Variants in PCDH7 observed in about 807,000 individuals in gnomAD.
PCDH7 encodes protocadherin 7.
A neutral mutation model predicts 58.9 loss-of-function variants in PCDH7; 17 were observed. The observed-to-expected ratio is 0.29, with a 90% confidence interval of 0.20 to 0.43. The LOEUF (loss-of-function observed/expected upper bound fraction) is 0.43. Ranked by LOEUF, PCDH7 falls within the 20% of genes least tolerant of loss-of-function variation. The probability of loss-of-function intolerance (pLI) is 1.00; values close to 1 mark genes in which losing one functional copy is unlikely to be tolerated. For missense variants in PCDH7, 1,274 were observed against 1,441.0 expected (o/e 0.88, Z 1.88); for synonymous variants, 664 against 616.4 (o/e 1.08, Z -1.14).
chr4:30,832,271 G>A (rs1232799408), intron 1 of PCDH7, among the ~76,000 whole-genome samples: 1 of 152,156 alleles, frequency 6.6e-6, no homozygotes, highest in Non-Finnish European at 1.5e-5. Context: ...CCATTCACAT[G>A]CAGCAGGAAT....
intron 1 of PCDH7, among the ~76,000 whole-genome samples, chr4:30,739,570 C>G (rs1297221521): frequency 6.6e-6 from 1 of 152,000 alleles, no homozygotes; most frequent in East Asian, 1.9e-4. Flanking sequence ...CTGGATTTTT[C>G]CCAAACTAAT....
intron 3 of PCDH7, among the ~76,000 whole-genome samples, chr4:31,087,216 G>A (rs898282584): frequency 2.6e-5 from 4 of 152,126 alleles, no homozygotes; most frequent in Admixed American, 6.6e-5. Flanking sequence ...TCAACTGCTA[G>A]CTATGGGTAG....
At chr4:30,968,683 G>T (rs1749269885) in intron 3 of PCDH7, among the ~76,000 whole-genome samples, 1 of 151,880 alleles carries the variant, frequency 6.6e-6, no homozygotes, top group African/African-American at 2.4e-5. Flanking sequence ...CTTTAATAAA[G>T]AACTGCCTAA....
chr4:30,750,086 G>A lies in PCDH7; in HGVS notation c.70+25490G>A, dbSNP rs545716387. Among the ~76,000 whole-genome samples the A allele has an allele frequency of 3.3e-5, 5 of 152,258 alleles. No homozygotes were observed. The South Asian group carries it at 8.3e-4, about 25-fold the overall frequency. On this transcript the variant is annotated intron_variant, in intron 1 of 3. Coordinates refer to the PCDH7 transcript ENST00000509759. ...CCTATAAGGCACTGGGCAGCTCCTT[G>A]CAACATATACTTATTCTGCATAGAA...
chr4:30,970,932 A>G (rs1241812051), intron 3 of PCDH7, among the ~76,000 whole-genome samples: 1 of 152,236 alleles, frequency 6.6e-6, no homozygotes, highest in African/African-American at 2.4e-5. Context: ...TCATACACAA[A>G]TGACACTTTC....
intron 3 of PCDH7, among the ~76,000 whole-genome samples, chr4:31,058,284 G>A (rs1757417435): frequency 6.6e-6 from 1 of 152,058 alleles, no homozygotes; most frequent in South Asian, 2.1e-4. Flanking sequence ...AGTTTTTACT[G>A]TATTCTTTGT....
chr4:30,995,575 A>T lies in PCDH7; in HGVS notation c.*7+45360A>T, dbSNP rs1488925872. Among the ~76,000 whole-genome samples the T allele has an allele frequency of 1.3e-5, 2 of 152,046 alleles. 1 individual carries two copies. The highest frequency in any genetic ancestry group is 1.3e-4 in the Admixed American group (2 of 15,260). ...TTTATTTCCTATTTCCACTGTACAC[A>T]TTACCACAAACTTAGTGGCTTAAAA... On this transcript the variant is annotated intron_variant, in intron 3 of 3. Transcript: ENST00000509759.
chr4:30,997,433 C>G (rs184336590), intron 3 of PCDH7, among the ~76,000 whole-genome samples: 161 of 152,004 alleles, frequency 1.1e-3, no homozygotes, highest in African/African-American at 3.6e-3. Context: ...TAGAATTTAC[C>G]CTATGACTAT....
At chr4:30,887,993 A>G (rs1738060264) in intron 1 of PCDH7, among the ~76,000 whole-genome samples, 1 of 151,540 alleles carries the variant, frequency 6.6e-6, no homozygotes, top group Admixed American at 6.6e-5. Context: ...CTTCTGCCTC[A>G]GCCTCCCGAG....
At chr4:30,736,636 C>A (rs1326194012), downstream of PCDH7, among the ~76,000 whole-genome samples, 1 of 150,838 alleles carries the variant, frequency 6.6e-6, no homozygotes, top group Non-Finnish European at 1.5e-5. Context: ...CCCGGATTCG[C>A]GCCATTCTCC....
chr4:30,889,185 A>G (rs2109381183), intron 1 of PCDH7, among the ~76,000 whole-genome samples: 1 of 150,352 alleles, frequency 6.7e-6, no homozygotes, highest in African/African-American at 2.4e-5. Context: ...TATTTACTTT[A>G]GAACTCTTCT....
chr4:31,143,185 A>C (rs1178244825), downstream of PCDH7: 2 of 189,722 alleles, frequency 1.1e-5, no homozygotes, highest in African/African-American at 4.8e-5. Context: ...TAACTGTACG[A>C]AGCCTGATTA....
chr4:31,122,255 C>A (rs930933149), intron 3 of PCDH7, among the ~76,000 whole-genome samples: 1 of 152,098 alleles, frequency 6.6e-6, no homozygotes, highest in Admixed American at 6.6e-5. Flanking sequence ...GTAGGTATAT[C>A]ATGGGCTGAT....
At chr4:30,774,650 T>A (rs962823008) in intron 1 of PCDH7, among the ~76,000 whole-genome samples, 6 of 152,136 alleles carry the variant, frequency 3.9e-5, no homozygotes, top group Admixed American at 6.5e-5. Context: ...TTTCATAGAG[T>A]AATTAGATAT....
At chr4:30,901,743 T>C (rs983675973) in intron 1 of PCDH7, among the ~76,000 whole-genome samples, 5 of 152,166 alleles carry the variant, frequency 3.3e-5, no homozygotes, top group African/African-American at 1.2e-4. Flanking sequence ...CATGAAAAAC[T>C]CTTATCAGAA....
At position 31,118,460 on chromosome 4, in the gene PCDH7, G is replaced by A. The variant is rs145401919; in HGVS notation, c.*8-24013G>A. Among the ~76,000 whole-genome samples, 829 of 151,852 alleles carry A rather than the reference G, an allele frequency of 5.5e-3. 7 individuals carry two copies. Among genetic ancestry groups the A allele is most frequent in the African/African-American group, 0.018 (764 of 41,362 alleles). ...AGCCAAGTCATTTGGCGGTCTTTCC[G>A]TCCTGCAAAGCTGATCCATCATCTT... On this transcript the variant is annotated intron_variant, in intron 3 of 3. Coordinates refer to the PCDH7 transcript ENST00000509759.
intron 3 of PCDH7, among the ~76,000 whole-genome samples, chr4:31,022,315 T>C (rs1204368682): frequency 6.6e-6 from 1 of 152,194 alleles, no homozygotes; most frequent in Non-Finnish European, 1.5e-5. Flanking sequence ...CAGTTGATGA[T>C]GATTATTTCT....
At chr4:30,932,728 G>C (rs1326593458) in intron 2 of PCDH7, among the ~76,000 whole-genome samples, 3 of 152,138 alleles carry the variant, frequency 2.0e-5, no homozygotes. Context: ...TGGCCTCTGG[G>C]TGGTATCTGT....
intron 3 of PCDH7, among the ~76,000 whole-genome samples, chr4:31,029,404 C>T (rs1754712236): frequency 6.6e-6 from 1 of 152,162 alleles, no homozygotes; most frequent in Admixed American, 6.5e-5. Context: ...GGGCGCTCAG[C>T]AGATGGGAGT....
Sources: gnomAD v4.1 joint callset for allele counts (sites outside exome capture counted in the v4.1 genomes callset) on GRCh38, gnomAD v4.1.1 for gene constraint, MANE v1.5 for transcripts, NCBI Gene and HGNC (gene_info 2026-07-23, HGNC 2026-07-21) for gene names.